PTPRD: variants seen among roughly 807,000 people sequenced by gnomAD.
PTPRD encodes protein tyrosine phosphatase receptor type D.
A neutral mutation model predicts 214.5 loss-of-function variants in PTPRD; 34 were observed. That is an observed-to-expected ratio of 0.16 (90% CI 0.12 to 0.21). The LOEUF (loss-of-function observed/expected upper bound fraction) is 0.21. PTPRD is among the 10% of genes least tolerant of loss of function. The probability of loss-of-function intolerance (pLI) is 1.00; values close to 1 mark genes in which losing one functional copy is unlikely to be tolerated. For missense variants in PTPRD, 2,545 were observed against 2,398.7 expected (o/e 1.06, Z -1.27); for synonymous variants, 1,128 against 845.7 (o/e 1.33, Z -5.79).
chr9:10,522,646 G>C (rs2052733192), intron 2 of PTPRD, among the ~76,000 whole-genome samples: 2 of 152,000 alleles, frequency 1.3e-5, no homozygotes, highest in Admixed American at 6.6e-5. Context: ...CTACTGGGAA[G>C]GGTAGACTCA....
At chr9:10,355,941 A>G (rs10125156) in intron 2 of PTPRD, among the ~76,000 whole-genome samples, 33,060 of 152,036 alleles carry the variant, frequency 0.22, 3,654 homozygotes, top group South Asian at 0.28. Flanking sequence ...GTTAAAATCT[A>G]AAGTCGTATT....
At chr9:8,462,174 G>T (rs1041556621) in intron 32 of PTPRD, among the ~76,000 whole-genome samples, 1 of 151,802 alleles carries the variant, frequency 6.6e-6, no homozygotes, top group East Asian at 1.9e-4. Flanking sequence ...ATTTTTCCCA[G>T]ATCCTTCTTC....
chr9:10,245,602 C>T (rs568502965), intron 3 of PTPRD, among the ~76,000 whole-genome samples: 1 of 152,222 alleles, frequency 6.6e-6, no homozygotes, highest in African/African-American at 2.4e-5. Context: ...AAGTGACTTG[C>T]TTCTTGTGTG....
chr9:9,173,811 G>A lies in PTPRD; in HGVS notation c.-143+9493C>T, dbSNP rs185599240. On this transcript the variant is annotated intron_variant, in intron 10 of 45. Transcript: ENST00000381196. The stretch of plus-strand genomic sequence containing the variant: ...CTGCTCGTCACTATCTAATATACCC[G>A]ATACTTTGCCGGTTTCTCTTTACCA... Among the ~76,000 whole-genome samples, 8 of 152,066 alleles carry A rather than the reference G, an allele frequency of 5.3e-5. No homozygotes were observed. The East Asian group carries it at 1.4e-3, about 26-fold the overall frequency.
rs144404713 is a variant in PTPRD, at chr9:9,731,786, T to C, written c.-287+2747A>G. On this transcript the variant is annotated intron_variant, in intron 7 of 45. Coordinates refer to ENST00000381196, the MANE Select transcript of PTPRD (RefSeq NM_002839.4). ...AGAACACTTGGACACAGTAAGGTTA[T>C]TTTTTAAGTAAAGGTGAAATCCTAA... 1.3e-3 allele frequency among the ~76,000 whole-genome samples: 204 copies of C among 152,256 alleles called. 1 individual carries two copies. Among genetic ancestry groups the C allele is most frequent in the African/African-American group, 4.6e-3 (190 of 41,546 alleles).
intron 11 of PTPRD, among the ~76,000 whole-genome samples, chr9:8,846,768 T>C (rs1215847462): frequency 1.3e-5 from 2 of 152,134 alleles, no homozygotes; most frequent in Non-Finnish European, 1.5e-5. Flanking sequence ...AATATGAGTA[T>C]GGCAAGGTGG....
intron 11 of PTPRD, among the ~76,000 whole-genome samples, chr9:8,780,924 AT>A (rs1309553340): frequency 2.6e-5 from 4 of 152,318 alleles, no homozygotes; most frequent in Non-Finnish European, 5.9e-5. Flanking sequence ...CAGATTTGCT[AT>A]TGATCAGCTG....
At chr9:9,643,214 A>G (rs1475192575) in intron 7 of PTPRD, among the ~76,000 whole-genome samples, 1 of 152,212 alleles carries the variant, frequency 6.6e-6, no homozygotes, top group Non-Finnish European at 1.5e-5. Context: ...CCTGTATGAC[A>G]GAAGTCTGGA....
At chr9:8,465,305 T>C (rs1591262532) in intron 32 of PTPRD, among the ~76,000 whole-genome samples, 161 bp downstream of exon 32, 1 of 151,918 alleles carries the variant, frequency 6.6e-6, no homozygotes, top group African/African-American at 2.4e-5. Context: ...TCAAGGAGTA[T>C]ATTGAGCAAT....
chr9:10,329,381 A>G (rs1378482627), intron 3 of PTPRD, among the ~76,000 whole-genome samples: 1 of 151,802 alleles, frequency 6.6e-6, no homozygotes, highest in African/African-American at 2.4e-5. Context: ...GTTCTAAGGG[A>G]TTTAAGAGTA....
intron 5 of PTPRD, among the ~76,000 whole-genome samples, chr9:9,915,479 G>C (rs1018847507): frequency 2.0e-5 from 3 of 150,992 alleles, no homozygotes; most frequent in African/African-American, 7.3e-5. Context: ...AACAATTCAA[G>C]AACATCAGGA....
intron 2 of PTPRD, among the ~76,000 whole-genome samples, chr9:10,487,544 TAAC>T (rs1290572648): frequency 6.6e-6 from 1 of 152,156 alleles, no homozygotes; most frequent in Admixed American, 6.5e-5. Context: ...TTTAAGCTGA[TAAC>T]AACTTCACAT....
At chr9:8,560,642 T>A (rs2085851765) in intron 14 of PTPRD, among the ~76,000 whole-genome samples, 1 of 152,160 alleles carries the variant, frequency 6.6e-6, no homozygotes, top group African/African-American at 2.4e-5. Flanking sequence ...AAAGAATGAA[T>A]TACCTTTGTA....
At chr9:9,920,301 T>A (rs568373521) in intron 5 of PTPRD, among the ~76,000 whole-genome samples, 1 of 152,106 alleles carries the variant, frequency 6.6e-6, no homozygotes, top group South Asian at 2.1e-4. Flanking sequence ...CTTGTTTACA[T>A]AGGCTGTGCT....
intron 7 of PTPRD, among the ~76,000 whole-genome samples, chr9:9,687,419 T>A (rs1159052748): frequency 6.6e-6 from 1 of 151,768 alleles, no homozygotes; most frequent in Non-Finnish European, 1.5e-5. Flanking sequence ...GGTTTCCTGA[T>A]GGGTAAACAG....
intron 11 of PTPRD, among the ~76,000 whole-genome samples, chr9:8,837,910 T>G (rs1023638683): frequency 6.6e-6 from 1 of 152,200 alleles, no homozygotes; most frequent in Non-Finnish European, 1.5e-5. Context: ...ATAATAAAAG[T>G]TGACTACAAT....
intron 11 of PTPRD, among the ~76,000 whole-genome samples, chr9:8,923,522 G>C (rs1318373324): frequency 6.6e-6 from 1 of 152,130 alleles, no homozygotes; most frequent in African/African-American, 2.4e-5. Flanking sequence ...AGGGAACTAA[G>C]TAAGCATTAT....
At chr9:9,725,908 C>T (rs531805614) in intron 7 of PTPRD, among the ~76,000 whole-genome samples, 71 of 152,182 alleles carry the variant, frequency 4.7e-4, no homozygotes, top group African/African-American at 1.6e-3. Context: ...TCTTTCCCAG[C>T]AGTACGCATT....
At chr9:9,290,570 G>C (rs927425301) in intron 9 of PTPRD, among the ~76,000 whole-genome samples, 1 of 151,304 alleles carries the variant, frequency 6.6e-6, no homozygotes, top group Non-Finnish European at 1.5e-5. Flanking sequence ...TAAACTACTA[G>C]ATCATTTGTA....
Sources: gnomAD v4.1 joint callset for allele counts (sites outside exome capture counted in the v4.1 genomes callset) on GRCh38, gnomAD v4.1.1 for gene constraint, MANE v1.5 for transcripts, NCBI Gene and HGNC (gene_info 2026-07-23, HGNC 2026-07-21) for gene names.